Variants in MTERF1 observed in about 807,000 individuals in gnomAD.
MTERF1 encodes the protein transcription termination factor 1, mitochondrial.
In MTERF1, 29 loss-of-function variants were observed where a neutral mutation model predicts 31.6. The observed-to-expected ratio is 0.92, with a 90% CI of 0.68 to 1.25. The LOEUF is 1.25. MTERF1 is among the 50% of genes most tolerant of loss of function. MTERF1 has a pLI of 0.00. For synonymous variants in MTERF1, 152 were observed against 164.1 expected, an observed-to-expected ratio of 0.93 and a Z score of 0.57; for missense variants, 500 against 469.1, an observed-to-expected ratio of 1.07 and a Z score of -0.61.
chr7:91,880,134 C>CA (rs761364183), intron 1 of MTERF1, 21 bp from the exon 2 acceptor site: 52 of 1,580,424 alleles, frequency 3.3e-5, no homozygotes, highest in South Asian at 5.7e-5. Flanking sequence ...CACACACACA[C>CA]AAAAAAAAGG....
rs1246072093 is a variant in MTERF1, at chr7:91,874,711, T to G, written c.83A>C (p.His28Pro). The G allele has an allele frequency of 6.2e-7, 1 of 1,613,766 alleles. No homozygotes were observed. Among genetic ancestry groups the G allele is most frequent in the Admixed American group, 1.7e-5 (1 of 59,962 alleles). ...LTIMAPGNLW[H>P]MRNNFLFGSR... ...ACCAAAGAGAAAGTTATTTCTCATA[T>G]GCCAGAGGTTTCCTGGTGCCATAAT... Residue 28 changes from histidine (H) to proline (P), a missense_variant, in exon 3 of 3, where the codon CAT becomes CCT. Transcript: ENST00000351870.
chr7:91,876,010 C>T (rs527741880), intron 2 of MTERF1, among the ~76,000 whole-genome samples: 80 of 152,302 alleles, frequency 5.3e-4, no homozygotes, highest in African/African-American at 1.6e-3. Context: ...TCCCCTTCTC[C>T]ATCACCATAT....
intron 1 of MTERF1, 103 bp from the exon 2 acceptor site, chr7:91,880,216 C>T: frequency 2.2e-6 from 2 of 899,538 alleles, no homozygotes; most frequent in Non-Finnish European, 3.4e-6. Context: ...GCATTATGTT[C>T]TCGTGAGATG....
chr7:91,873,197 A>T lies in MTERF1; in HGVS notation c.*397T>A, dbSNP rs1041068036. 1 of 159,470 alleles carries T rather than the reference A, an allele frequency of 6.3e-6. No homozygotes were observed. The highest frequency in any genetic ancestry group is 1.4e-5 in the Non-Finnish European group (1 of 73,038). The allele number at this position is 159,470 out of a possible 1,614,324, so 9.9% of individuals were successfully genotyped here. ...CCATCTTATGGTTCTGTGGGTCAGA[A>T]GTTTGACATTGATCTCACTGGGCTA... On this transcript the variant is annotated 3_prime_UTR_variant, in exon 3 of 3. Coordinates refer to ENST00000351870, the MANE Select transcript of MTERF1 (RefSeq NM_006980.5).
At chr7:91,876,983 A>G (rs1789361457) in intron 2 of MTERF1, 5 of 961,832 alleles carry the variant, frequency 5.2e-6, no homozygotes, top group Non-Finnish European at 4.9e-6. Context: ...TACTTTCTAG[A>G]GAGGTCCAAG....
rs921604401 is a variant in MTERF1 at position 91,876,101 on chromosome 7, C to G, written c.30-1337G>C. ...AGCTTCTAGCATGTGACTAAAACCT[C>G]AATAACTCATTTTCCTGATCATTTG... On this transcript the variant is annotated intron_variant, in intron 2 of 2. Transcript: ENST00000351870. Among the ~76,000 whole-genome samples the G allele has an allele frequency of 1.5e-4, 23 of 152,320 alleles. 1 individual carries two copies. Among genetic ancestry groups the G allele is most frequent in the African/African-American group, 5.1e-4 (21 of 41,564 alleles).
In MTERF1 at chr7:91,874,642, T is replaced by C. The variant is rs950414620; in HGVS notation, c.152A>G (p.Lys51Arg). 6.2e-7 allele frequency: 1 copy of C among 1,614,126 alleles called. No homozygotes were observed. The highest frequency in any genetic ancestry group is 1.3e-5 in the African/African-American group (1 of 75,054). Reference protein sequence around the residue: ...MTRFSAENIFKSVSFRLFGVK... With the variant: ...MTRFSAENIFRSVSFRLFGVK... ...ACCAAAAAGCCTAAATGAAACTGAT[T>C]TGAAGATGTTTTCTGCTGAAAATCG... Residue 51 changes from lysine (K) to arginine (R), a missense_variant, in exon 3 of 3, where the codon AAA becomes AGA. Coordinates refer to ENST00000351870, the MANE Select transcript of MTERF1 (RefSeq NM_006980.5).
At position 91,874,543 on chromosome 7, in the gene MTERF1, A is replaced by G; in HGVS notation, c.251T>C (p.Val84Ala). Residue 84 changes from valine to alanine, a missense_variant, in exon 3 of 3, where the codon GTA (valine) becomes GCA (alanine). Coordinates refer to ENST00000351870, the MANE Select transcript of MTERF1 (RefSeq NM_006980.5). ...TCGTTTCCTTGCCATGTCAATATCT[A>G]CTCCCATAGTAAGTAAGTTTTTCAG... ...DLLKNLLTMG[V>A]DIDMARKRQP... 6.2e-7 allele frequency: 1 copy of G among 1,613,936 alleles called. No individual in the cohort carries two copies. The highest frequency in any genetic ancestry group is 8.5e-7 in the Non-Finnish European group (1 of 1,179,978).
intron 2 of MTERF1, among the ~76,000 whole-genome samples, chr7:91,875,483 G>T (rs1020183512): frequency 7.9e-5 from 12 of 151,938 alleles, no homozygotes; most frequent in Non-Finnish European, 1.5e-5. Context: ...TCAAACTCCT[G>T]GGCTCAAGTG....
chr7:91,878,175 T>C (rs6957440), intron 2 of MTERF1, among the ~76,000 whole-genome samples: 58 of 152,206 alleles, frequency 3.8e-4, no homozygotes, highest in African/African-American at 1.3e-3. Context: ...TTTCTATTTA[T>C]AGAAAACAAG....
At position 91,873,831 on chromosome 7, in the gene MTERF1, G is replaced by C; in HGVS notation, c.963C>G (p.Ile321Met). The C allele has an allele frequency of 6.2e-7, 1 of 1,614,114 alleles. No homozygotes were observed. The highest frequency in any genetic ancestry group is 8.5e-7 in the Non-Finnish European group (1 of 1,180,022). ...CATTAAACTTTTTCTCTGCCAAGAA[G>C]ATCACATCTGGATAGCTTAAGACAA... ...QKFVLSYPDV[I>M]FLAEKKFNDK... The change falls in exon 3 of 3, where the codon ATC becomes ATG. Residue 321 changes from isoleucine (I) to methionine (M), a missense_variant. Ile to Met is a conservative substitution (Grantham distance 10, BLOSUM62 1). Coordinates refer to ENST00000351870, the MANE Select transcript of MTERF1 (RefSeq NM_006980.5).
Position 91,873,100 on chromosome 7 carries a change from G to C in MTERF1, c.*494C>G, listed in dbSNP as rs1416826937. On this transcript the variant is annotated 3_prime_UTR_variant, in exon 3 of 3. Transcript: ENST00000351870. The stretch of plus-strand genomic sequence containing the variant: ...TATAATGCAACTAATCATCTACTTA[G>C]TTGCTATGTTAATCTATTTGCTTCT... 1 of 152,576 alleles carries C rather than the reference G, an allele frequency of 6.6e-6. No individual in the cohort carries two copies. The highest frequency in any genetic ancestry group is 6.5e-5 in the Admixed American group (1 of 15,320). The allele number at this position is 152,576 out of a possible 1,614,324, so 9.5% of individuals were successfully genotyped here.
intron 2 of MTERF1, among the ~76,000 whole-genome samples, chr7:91,877,161 T>C (rs1789366515): frequency 6.6e-6 from 1 of 152,240 alleles, no homozygotes; most frequent in Non-Finnish European, 1.5e-5. Flanking sequence ...CATATTTCTA[T>C]TGACAATGTA....
chr7:91,879,754 A>G (rs954693383), intron 2 of MTERF1, among the ~76,000 whole-genome samples: 1 of 152,164 alleles, frequency 6.6e-6, no homozygotes, highest in Non-Finnish European at 1.5e-5. Context: ...CCTCACGTAC[A>G]AATTTCAAAA....
rs747275221 is a variant in MTERF1, at chr7:91,873,585, T to C, written c.*9A>G. Reference sequence around the variant, plus strand: ...TCACAGTTCCTGAGAATTAAAAACATTGGCATCCTTAGGCAAATCTGCTTA... The same window carrying C: ...TCACAGTTCCTGAGAATTAAAAACACTGGCATCCTTAGGCAAATCTGCTTA... On this transcript the variant is annotated 3_prime_UTR_variant, in exon 3 of 3. Coordinates refer to ENST00000351870, the MANE Select transcript of MTERF1 (RefSeq NM_006980.5). The C allele has an allele frequency of 5.7e-6, 9 of 1,583,782 alleles. No homozygotes were observed. Among genetic ancestry groups the C allele is most frequent in the East Asian group, 4.5e-5 (2 of 44,640 alleles).
chr7:91,874,758 T>C lies in MTERF1; in HGVS notation c.36A>G (p.Ser12=). The C allele has an allele frequency of 6.3e-7, 1 of 1,595,412 alleles. No homozygotes were observed. Among genetic ancestry groups the C allele is most frequent in the Non-Finnish European group, 8.5e-7 (1 of 1,171,730 alleles). The change falls in exon 3 of 3, where the codon TCA becomes TCG. Residue 12 remains serine (S), a synonymous_variant. Coordinates refer to ENST00000351870, the MANE Select transcript of MTERF1 (RefSeq NM_006980.5). The stretch of plus-strand genomic sequence containing the variant: ...TAATGGTTAGGTAGTTCAAACCTTT[T>C]GAAATGCTGTGTAAAACAACACATA... The part of the protein sequence containing the change: ...QSLSLGQTSI[S]KGLNYLTIMA...
chr7:91,875,279 T>C (rs1789319807), intron 2 of MTERF1, among the ~76,000 whole-genome samples: 2 of 152,094 alleles, frequency 1.3e-5, no homozygotes, highest in African/African-American at 4.8e-5. Context: ...ACACAGGGTC[T>C]CACTCTGTCA....
chr7:91,873,729 G>A lies in MTERF1; in HGVS notation c.1065C>T (p.Ser355=). 1.2e-6 allele frequency: 2 copies of A among 1,614,074 alleles called. No homozygotes were observed. Among genetic ancestry groups the A allele is most frequent in the South Asian group, 1.1e-5 (1 of 91,076 alleles). ...IIENPRVLDS[S]ISTLKSRIKE... ...TGATTCGACTTTTTAAAGTACTTAT[G>A]CTTGAATCCAGAACCCGAGGATTTT... Residue 355 remains serine (S), a synonymous_variant, in exon 3 of 3, where the codon AGC becomes AGT. Transcript: ENST00000351870.
intron 2 of MTERF1, among the ~76,000 whole-genome samples, chr7:91,878,111 G>A (rs1789391072): frequency 6.6e-6 from 1 of 152,084 alleles, no homozygotes; most frequent in East Asian, 1.9e-4. Flanking sequence ...ACTAACCACT[G>A]AAATCAACCA....
Sources: gnomAD v4.1 joint callset for allele counts (sites outside exome capture counted in the v4.1 genomes callset) on GRCh38, gnomAD v4.1.1 for gene constraint, MANE v1.5 for transcripts, NCBI Gene and HGNC (gene_info 2026-07-23, HGNC 2026-07-21) for gene names.